The following ZBTB4 variants were observed in gnomAD, a reference collection of about 807,000 sequenced individuals.
The protein encoded by ZBTB4 is zinc finger and BTB domain-containing protein 4.
A neutral mutation model predicts 59.8 loss-of-function variants in ZBTB4; 14 were observed. That is an observed-to-expected ratio of 0.23 (90% confidence interval 0.15 to 0.37). The LOEUF is 0.37. ZBTB4 is among the 10% of genes least tolerant of loss of function. The pLI, the probability that ZBTB4 is intolerant of heterozygous loss-of-function variation, is 1.00. For synonymous variants in ZBTB4, 587 were observed against 575.2 expected, an observed-to-expected ratio of 1.02 and a Z score of -0.29; for missense variants, 1,198 against 1,380.8, an observed-to-expected ratio of 0.87 and a Z score of 2.10.
chr17:7,463,097 T>G lies in ZBTB4; in HGVS notation c.1885A>C (p.Ser629Arg), dbSNP rs779561531. The G allele has an allele frequency of 6.2e-7, 1 of 1,610,628 alleles. No homozygotes were observed. Among genetic ancestry groups the G allele is most frequent in the Non-Finnish European group, 8.5e-7 (1 of 1,179,332 alleles). ...SETDLRPGEL[S>R]GEEMEESEED... ...TCACTCTCCTCCATCTCCTCTCCGC[T>G]CAGCTCCCCAGGACGCAGGTCAGTC... is the stretch of plus-strand genomic sequence containing the variant. The change falls in exon 4 of 4, where the codon AGC (serine) becomes CGC (arginine). Residue 629 changes from serine to arginine, a missense_variant. By Grantham distance (110) the Ser-to-Arg change is moderately radical (BLOSUM62 -1). Transcript: ENST00000380599.
At chr17:7,482,103 T>C (rs1567694336), upstream of ZBTB4, 1 of 1,614,204 alleles carries the variant, frequency 6.2e-7, no homozygotes, top group Non-Finnish European at 8.5e-7. Flanking sequence ...ACCAATGGCC[T>C]GCTGGTGGCC....
At chr17:7,479,195 CG>C (rs1268644310) in intron 1 of ZBTB4, among the ~76,000 whole-genome samples, 4 of 152,154 alleles carry the variant, frequency 2.6e-5, no homozygotes, top group African/African-American at 9.7e-5. Context: ...TCCCCTTCCA[CG>C]GCCCCAGGCG....
chr17:7,471,188 A>C (rs8075007), intron 1 of ZBTB4, among the ~76,000 whole-genome samples: 1 of 151,666 alleles, frequency 6.6e-6, no homozygotes, highest in African/African-American at 2.4e-5. Flanking sequence ...TTATGAAAAA[A>C]ATTTTTTTTT....
chr17:7,479,318 G>GC (rs1489716507), intron 1 of ZBTB4, 138 bp downstream of exon 1: 1 of 151,300 alleles, frequency 6.6e-6, no homozygotes, highest in African/African-American at 2.4e-5. Flanking sequence ...CGACCCCTGC[G>GC]CCCCCAGGTC....
upstream of ZBTB4, chr17:7,483,265 C>T (rs891487530): frequency 5.6e-5 from 36 of 639,678 alleles, no homozygotes; most frequent in Admixed American, 9.4e-5. Context: ...CAGATCCAAA[C>T]GGCTGAGGCA....
At chr17:7,464,699 G>A (rs1306338234) in intron 3 of ZBTB4, among the ~76,000 whole-genome samples, 2 of 151,668 alleles carry the variant, frequency 1.3e-5, no homozygotes, top group East Asian at 1.9e-4. Context: ...TTAGCTGGGC[G>A]TGGTGGCGCG....
chr17:7,472,630 CA>C, intron 1 of ZBTB4, among the ~76,000 whole-genome samples: 1 of 115,402 alleles, frequency 8.7e-6, no homozygotes, highest in Admixed American at 1.0e-4. Flanking sequence ...TGCACCTGGC[CA>C]TTCTTTTTTT....
chr17:7,466,447 C>A lies in ZBTB4; in HGVS notation c.355G>T (p.Ala119Ser), dbSNP rs750833358. ...SSSPPPASPPASSPPRVLELP... is the reference protein window; with the variant it reads ...SSSPPPASPPSSSPPRVLELP... ...TCCAGGACCCGGGGTGGGGAAGAAG[C>A]AGGGGGAGAGGCTGGAGGGGGAGAG... Residue 119 changes from alanine (A) to serine (S), a missense_variant, in exon 3 of 4, where the codon GCT (alanine) becomes TCT (serine). Coordinates refer to ENST00000380599, the MANE Select transcript of ZBTB4 (RefSeq NM_001128833.2). The surrounding 1 kb of genome is among the most constrained non-coding windows in gnomAD (Gnocchi z 9.1). 3 of 1,610,778 alleles carry A rather than the reference C, an allele frequency of 1.9e-6. No homozygotes were observed. The Admixed American group carries it at 5.0e-5, about 27-fold the overall frequency.
In ZBTB4 at chr17:7,463,664, A is replaced by C; in HGVS notation, c.1318T>G (p.Ser440Ala). The C allele has an allele frequency of 6.2e-7, 1 of 1,613,292 alleles. No homozygotes were observed. Among genetic ancestry groups the C allele is most frequent in the South Asian group, 1.1e-5 (1 of 91,076 alleles). The change falls in exon 4 of 4, where the codon TCT becomes GCT. Residue 440 changes from serine to alanine, a missense_variant. By Grantham distance (99) the Ser-to-Ala change is moderately conservative. Transcript: ENST00000380599. ...YSQGAPEAPLSPTLNTPAPVA... is the reference protein window; with the variant it reads ...YSQGAPEAPLAPTLNTPAPVA... ...GGGGCCGGTGTGTTGAGGGTTGGAG[A>C]AAGGGGAGCCTCCGGGGCTCCCTGG...
chr17:7,482,229 C>G, upstream of ZBTB4: 12 of 1,614,018 alleles, frequency 7.4e-6, no homozygotes, highest in Non-Finnish European at 1.0e-5. Flanking sequence ...TTCCACCTCC[C>G]TATTGCCCTG....
upstream of ZBTB4, chr17:7,482,609 G>A (rs752239405): frequency 1.2e-6 from 2 of 1,612,116 alleles, no homozygotes; most frequent in Non-Finnish European, 1.7e-6. Flanking sequence ...GGGGCTTCTG[G>A]TCTATCGTTC....
At position 7,463,423 on chromosome 17, in the gene ZBTB4, C is replaced by T. The variant is rs1360990996; in HGVS notation, c.1559G>A (p.Arg520Gln). Residue 520 changes from arginine (R) to glutamine (Q), a missense_variant, in exon 4 of 4, where the codon CGA becomes CAA. By Grantham distance (43) the Arg-to-Gln change is conservative (BLOSUM62 1). Transcript: ENST00000380599. ...CTCAGGGGGAGGAGGTGGGTATTCTCGTTTCTTGGGTGGCCTCGGGGGAGC... is the reference window on the plus strand; with the variant it reads ...CTCAGGGGGAGGAGGTGGGTATTCTTGTTTCTTGGGTGGCCTCGGGGGAGC... Reference protein sequence around the residue: ...YTAPPRPPKKREYPPPPPEPA... With the variant: ...YTAPPRPPKKQEYPPPPPEPA... 4.5e-6 allele frequency: 7 copies of T among 1,570,220 alleles called. No individual in the cohort carries two copies. Among genetic ancestry groups the T allele is most frequent in the Non-Finnish European group, 6.0e-6 (7 of 1,158,372 alleles).
At chr17:7,479,270 C>A (rs574101543) in intron 1 of ZBTB4, among the ~76,000 whole-genome samples, 186 bp downstream of exon 1, 62 of 152,162 alleles carry the variant, frequency 4.1e-4, no homozygotes, top group African/African-American at 1.4e-3. Flanking sequence ...CGCCCCCCAG[C>A]GTCGTGCGCG....
Position 7,465,790 on chromosome 17 carries a change from G to C in ZBTB4, c.1012C>G (p.Pro338Ala). ...AACACTTTCTCACAATAGCGGCAGGGGTACTTCCTCCGCCACGAGTGTACA... is the reference window on the plus strand; with the variant it reads ...AACACTTTCTCACAATAGCGGCAGGCGTACTTCCTCCGCCACGAGTGTACA... Reference protein sequence around the residue: ...SNVHSWRRKYPCRYCEKVFAL... With the variant: ...SNVHSWRRKYACRYCEKVFAL... Residue 338 changes from proline (P) to alanine (A), a missense_variant, in exon 3 of 4, where the codon CCC (proline) becomes GCC (alanine). Transcript: ENST00000380599. 1 of 1,614,230 alleles carries C rather than the reference G, an allele frequency of 6.2e-7. No homozygotes were observed. The highest frequency in any genetic ancestry group is 8.5e-7 in the Non-Finnish European group (1 of 1,180,048).
chr17:7,465,855 C>T lies in ZBTB4; in HGVS notation c.947G>A (p.Arg316His). The T allele has an allele frequency of 6.2e-7, 1 of 1,614,200 alleles. No homozygotes were observed. The highest frequency in any genetic ancestry group is 8.5e-7 in the Non-Finnish European group (1 of 1,180,034). The change falls in exon 3 of 4, where the codon CGT becomes CAT. Residue 316 changes from arginine (R) to histidine (H), a missense_variant. Around this residue, in one of 9 missense-constraint regions of ZBTB4, gnomAD observed 204 missense variants for 205.5 expected, o/e 0.99. Coordinates refer to ENST00000380599, the MANE Select transcript of ZBTB4 (RefSeq NM_001128833.2). The stretch of plus-strand genomic sequence containing the variant: ...CAGACTGGACAGGGTCACGTAGGAA[C>T]GCTCGCAGGCCGCGCACACATACAG... ...HVLYVCAACE[R>H]SYVTLSSLKR...
chr17:7,474,886 C>T (rs986575542), intron 1 of ZBTB4, among the ~76,000 whole-genome samples: 1 of 151,758 alleles, frequency 6.6e-6, no homozygotes, highest in African/African-American at 2.4e-5. Context: ...GTGGTGCACG[C>T]TTGTAACCCC....
intron 1 of ZBTB4, among the ~76,000 whole-genome samples, chr17:7,474,118 T>C (rs1016079753): frequency 7.2e-5 from 11 of 152,050 alleles, no homozygotes; most frequent in African/African-American, 2.7e-4. Flanking sequence ...GGTTTCACCA[T>C]GTTGACCAGG....
upstream of ZBTB4, chr17:7,482,855 G>T (rs748660860): frequency 6.2e-6 from 10 of 1,611,942 alleles, no homozygotes; most frequent in African/African-American, 8.0e-5. Flanking sequence ...TTCCGAGGTG[G>T]TGGTGGCCCT....
chr17:7,480,089 GAAT>G (rs2070325024), upstream of ZBTB4, among the ~76,000 whole-genome samples: 1 of 152,002 alleles, frequency 6.6e-6, no homozygotes, highest in Non-Finnish European at 1.5e-5. Flanking sequence ...CCCTCTCCAG[GAAT>G]GCGCAGGAAA....
Sources: allele counts gnomAD v4.1 joint callset (sites outside exome capture counted in the v4.1 genomes callset), GRCh38; gene constraint gnomAD v4.1.1; regional missense constraint gnomAD v4.1.1; non-coding constraint Gnocchi (gnomAD v3.1); transcripts MANE v1.5; gene names NCBI Gene and HGNC (gene_info 2026-07-23, HGNC 2026-07-21).